Variants in ARHGAP22 observed in about 807,000 individuals in gnomAD.
ARHGAP22 encodes the protein Rho GTPase activating protein 22.
A neutral mutation model predicts 59.1 loss-of-function variants in ARHGAP22; 48 were observed. The ratio of observed to expected loss-of-function variants is 0.81; its 90% CI spans 0.64 to 1.03. ARHGAP22 has a LOEUF of 1.03. ARHGAP22 is among the 50% of genes least tolerant of loss of function. The pLI, the probability that ARHGAP22 is intolerant of heterozygous loss-of-function variation, is 0.00. For synonymous variants in ARHGAP22, 445 were observed against 416.4 expected, an observed-to-expected ratio of 1.07 and a Z score of -0.84; for missense variants, 1,015 against 958.7, an observed-to-expected ratio of 1.06 and a Z score of -0.78.
At chr10:48,630,391 A>G (rs1019473737) in intron 1 of ARHGAP22, among the ~76,000 whole-genome samples, 1 of 152,316 alleles carries the variant, frequency 6.6e-6, no homozygotes, top group Non-Finnish European at 1.5e-5. Flanking sequence ...CGCCCAGCCC[A>G]GAAATGACAT....
rs532685113 is a variant in ARHGAP22 at position 48,558,455 on chromosome 10, C to T, written c.235-2905G>A. On this transcript the variant is annotated intron_variant, in intron 2 of 9. Coordinates refer to ENST00000249601, the MANE Select transcript of ARHGAP22 (RefSeq NM_021226.4). ...ATGGCTTACTGCAGCCTCTACCTAC[C>T]GGGCTCCAGTGAGCCTCCCACCTCG... Among the ~76,000 whole-genome samples, 5 of 152,046 alleles carry T rather than the reference C, an allele frequency of 3.3e-5. 1 individual carries two copies. Among genetic ancestry groups the T allele is most frequent in the African/African-American group, 9.6e-5 (4 of 41,476 alleles).
chr10:48,583,745 C>T (rs113589905), intron 1 of ARHGAP22, among the ~76,000 whole-genome samples: 16 of 152,256 alleles, frequency 1.1e-4, no homozygotes, highest in Admixed American at 2.6e-4. Flanking sequence ...TGGAGGCATC[C>T]GAGCCCCCAA....
At position 48,450,899 on chromosome 10, in the gene ARHGAP22, C is replaced by A; in HGVS notation, c.1230G>T (p.Thr410=). The change falls in exon 9 of 10, where the codon ACG becomes ACT. Residue 410 remains threonine, a synonymous_variant. Coordinates refer to ENST00000249601, the MANE Select transcript of ARHGAP22 (RefSeq NM_021226.4). Reference sequence around the variant, plus strand: ...CAGGGCTGCACCGGCTCCCCGGCCCCGTGGGGGCTGTTCTGGAGAGCACCG... The same window carrying A: ...CAGGGCTGCACCGGCTCCCCGGCCCAGTGGGGGCTGTTCTGGAGAGCACCG... The part of the protein sequence containing the change: ...AVAVLSRTAP[T]GPGSRCSPGK... 6.3e-7 allele frequency: 1 copy of A among 1,591,630 alleles called. No individual in the cohort carries two copies. The highest frequency in any genetic ancestry group is 2.3e-5 in the East Asian group (1 of 44,404).
intron 3 of ARHGAP22, among the ~76,000 whole-genome samples, chr10:48,551,622 A>G (rs1380679589): frequency 6.6e-6 from 1 of 152,170 alleles, no homozygotes; most frequent in East Asian, 1.9e-4. Flanking sequence ...GCCCAAAGCA[A>G]TTGCTCCCAC....
At chr10:48,534,159 A>G (rs1187385434) in intron 3 of ARHGAP22, among the ~76,000 whole-genome samples, 1 of 152,222 alleles carries the variant, frequency 6.6e-6, no homozygotes, top group Admixed American at 6.5e-5. Context: ...TTCAGCTGCC[A>G]CGGATGCTGT....
At chr10:48,503,371 G>A (rs2051734262) in intron 3 of ARHGAP22, among the ~76,000 whole-genome samples, 1 of 152,190 alleles carries the variant, frequency 6.6e-6, no homozygotes. Context: ...TAACATTTAT[G>A]AGGCACCTAC....
At chr10:48,532,318 T>C (rs115827815) in intron 3 of ARHGAP22, among the ~76,000 whole-genome samples, 1,531 of 152,216 alleles carry the variant, frequency 0.01, 30 homozygotes, top group African/African-American at 0.033. Context: ...CATCTGGGCC[T>C]GCGTCCCTGC....
At chr10:48,558,378 T>C (rs1371138815) in intron 2 of ARHGAP22, among the ~76,000 whole-genome samples, 1 of 152,136 alleles carries the variant, frequency 6.6e-6, no homozygotes, top group African/African-American at 2.4e-5. Flanking sequence ...TGTTTTGTTT[T>C]GCTTTTTTGG....
intron 4 of ARHGAP22, among the ~76,000 whole-genome samples, chr10:48,463,801 G>A (rs1226507894): frequency 2.0e-5 from 3 of 152,188 alleles, no homozygotes; most frequent in African/African-American, 4.8e-5. Flanking sequence ...AGAGCCACAT[G>A]CTGGGCTTGC....
chr10:48,498,343 G>A (rs1475939626), intron 3 of ARHGAP22, among the ~76,000 whole-genome samples: 1 of 152,010 alleles, frequency 6.6e-6, no homozygotes, highest in African/African-American at 2.4e-5. Context: ...AACAATGAAG[G>A]CCCCTGAACA....
intron 1 of ARHGAP22, among the ~76,000 whole-genome samples, chr10:48,629,856 C>A (rs1463761578): frequency 6.6e-6 from 1 of 152,176 alleles, no homozygotes; most frequent in Non-Finnish European, 1.5e-5. Context: ...CCATTTATTT[C>A]AATCTCTGAT....
At chr10:48,559,344 T>C (rs1191752238) in intron 2 of ARHGAP22, among the ~76,000 whole-genome samples, 1 of 152,180 alleles carries the variant, frequency 6.6e-6, no homozygotes, top group African/African-American at 2.4e-5. Context: ...TAATTTGCTC[T>C]GTTAGGGAAT....
At chr10:48,504,611 G>A (rs1166541999) in intron 3 of ARHGAP22, among the ~76,000 whole-genome samples, 1 of 152,222 alleles carries the variant, frequency 6.6e-6, no homozygotes, top group Non-Finnish European at 1.5e-5. Context: ...ATGAGCAGGG[G>A]AGGCGGTTGG....
chr10:48,498,463 G>C (rs1253172459), intron 3 of ARHGAP22, among the ~76,000 whole-genome samples: 1 of 152,154 alleles, frequency 6.6e-6, no homozygotes, highest in Non-Finnish European at 1.5e-5. Context: ...CCCACATGTA[G>C]AGGAAGCCAC....
Position 48,492,766 on chromosome 10 carries a change from C to T in ARHGAP22, c.323-13002G>A, listed in dbSNP as rs919539070. On this transcript the variant is annotated intron_variant, in intron 3 of 9. Coordinates refer to ENST00000249601, the MANE Select transcript of ARHGAP22 (RefSeq NM_021226.4). The stretch of plus-strand genomic sequence containing the variant: ...ATGGGGTTTCATCATGTTGACCAGG[C>T]TGGTCTCAAACTCCTCACCTCAGGT... 2.0e-5 allele frequency among the ~76,000 whole-genome samples: 3 copies of T among 152,192 alleles called. No homozygotes were observed. The East Asian group carries it at 5.8e-4, about 29-fold the overall frequency.
upstream of ARHGAP22, among the ~76,000 whole-genome samples, chr10:48,606,917 C>T (rs2135942301): frequency 6.6e-6 from 1 of 152,312 alleles, no homozygotes; most frequent in Non-Finnish European, 1.5e-5. Context: ...GAAACTCTGG[C>T]TTCATGGGCA....
chr10:48,596,228 C>T (rs758718453), intron 1 of ARHGAP22, among the ~76,000 whole-genome samples: 4 of 152,192 alleles, frequency 2.6e-5, no homozygotes, highest in Non-Finnish European at 5.9e-5. Flanking sequence ...TAGATTCAAG[C>T]GGATCTGGTG....
chr10:48,434,516 AAG>A, the ARHGAP22 span, among the ~76,000 whole-genome samples: 1 of 152,248 alleles, frequency 6.6e-6, no homozygotes, highest in Admixed American at 6.5e-5. Flanking sequence ...TGTCCAAAAA[AAG>A]GCATTACAGA....
chr10:48,462,885 T>C (rs1412905194), intron 4 of ARHGAP22, among the ~76,000 whole-genome samples: 5 of 152,184 alleles, frequency 3.3e-5, no homozygotes, highest in Non-Finnish European at 7.4e-5. Flanking sequence ...CGTCCTGGCC[T>C]TTCCACCATC....
Sources: gnomAD v4.1 joint callset for allele counts (sites outside exome capture counted in the v4.1 genomes callset) on GRCh38, gnomAD v4.1.1 for gene constraint, MANE v1.5 for transcripts, NCBI Gene and HGNC (gene_info 2026-07-23, HGNC 2026-07-21) for gene names.